ALLC: variants seen among roughly 807,000 people sequenced by gnomAD.
ALLC encodes probable inactive allantoicase.
ALLC carries 40 observed loss-of-function variants against 45.0 expected under a neutral mutation model. That is an observed-to-expected ratio of 0.89 (90% CI 0.69 to 1.16). ALLC has a LOEUF of 1.16. ALLC is among the 50% of genes most tolerant of loss of function. ALLC has a pLI of 0.00. For synonymous variants in ALLC, 176 were observed against 178.1 expected (o/e 0.99, Z 0.09); for missense variants, 488 against 493.1 (o/e 0.99, Z 0.10).
intron 7 of ALLC, among the ~76,000 whole-genome samples, chr2:3,689,809 G>A (rs1020973684): frequency 6.6e-6 from 1 of 150,766 alleles, no homozygotes; most frequent in Non-Finnish European, 1.5e-5. Context: ...AGGTGTTGAA[G>A]TCCCCTACTA....
intron 7 of ALLC, 75 bp from the exon 8 acceptor site, chr2:3,695,642 C>G: frequency 6.4e-7 from 1 of 1,553,400 alleles, no homozygotes; most frequent in South Asian, 1.1e-5. Context: ...CTGGAGAAGA[C>G]AGGAGGGTCC....
intron 1 of ALLC, among the ~76,000 whole-genome samples, chr2:3,665,190 G>A (rs932696601): frequency 1.3e-5 from 2 of 152,084 alleles, no homozygotes; most frequent in African/African-American, 4.8e-5. Flanking sequence ...AGATGGCATC[G>A]CTACACTGAC....
Position 3,673,612 on chromosome 2 carries a change from T to C in ALLC, c.34-463T>C, listed in dbSNP as rs567348786. Among the ~76,000 whole-genome samples the C allele has an allele frequency of 3.9e-5, 6 of 152,338 alleles. No homozygotes were observed. In the South Asian group the frequency reaches 1.2e-3, roughly 32 times the overall value. ...GGATGTACAATTAGTATCATTGACC[T>C]CACTCTCAAAATGATCCTGCTTTGG... On this transcript the variant is annotated intron_variant, in intron 2 of 11. Coordinates refer to ENST00000252505, the MANE Select transcript of ALLC (RefSeq NM_018436.4).
upstream of ALLC, among the ~76,000 whole-genome samples, chr2:3,654,293 A>C (rs1031716757): frequency 6.6e-6 from 1 of 152,210 alleles, no homozygotes; most frequent in African/African-American, 2.4e-5. Context: ...GCGTGAGGAG[A>C]GGCGGTGGAC....
At chr2:3,657,501 G>A (rs1019059050), upstream of ALLC, among the ~76,000 whole-genome samples, 2 of 152,180 alleles carry the variant, frequency 1.3e-5, no homozygotes, top group African/African-American at 4.8e-5. Context: ...GTGACCTCGG[G>A]TGGCTTTCCT....
chr2:3,687,111 T>G (rs897266045), intron 7 of ALLC, among the ~76,000 whole-genome samples: 1 of 151,088 alleles, frequency 6.6e-6, no homozygotes, highest in South Asian at 2.1e-4. Context: ...AGTTTTTTTT[T>G]CTATACCCAA....
At chr2:3,692,227 G>T (rs1158393623) in intron 7 of ALLC, among the ~76,000 whole-genome samples, 1 of 152,090 alleles carries the variant, frequency 6.6e-6, no homozygotes, top group Non-Finnish European at 1.5e-5. Context: ...TTCTTTCTGG[G>T]TTGTTTCAGT....
intron 10 of ALLC, among the ~76,000 whole-genome samples, chr2:3,697,969 T>C (rs569318491): frequency 1.3e-5 from 2 of 150,854 alleles, no homozygotes; most frequent in African/African-American, 4.9e-5. Context: ...CCGACCCTTA[T>C]TTATTTATTT....
At chr2:3,651,301 TG>T in the ALLC span, among the ~76,000 whole-genome samples, 8 of 7,760 alleles carry the variant, frequency 1.0e-3, no homozygotes, top group Non-Finnish European at 1.7e-3. Flanking sequence ...TCTTTTTGGG[TG>T]GGTGGGTGGG....
chr2:3,678,956 A>G (rs1197761150), intron 4 of ALLC, among the ~76,000 whole-genome samples: 1 of 152,178 alleles, frequency 6.6e-6, no homozygotes, highest in Non-Finnish European at 1.5e-5. Context: ...GACTCAGCCC[A>G]GGGCACACTG....
At chr2:3,675,639 G>A (rs1667004550) in intron 3 of ALLC, among the ~76,000 whole-genome samples, 1 of 151,834 alleles carries the variant, frequency 6.6e-6, no homozygotes, top group African/African-American at 2.4e-5. Context: ...CTACATATGT[G>A]TATATATAGT....
At chr2:3,655,963 G>A (rs1572498640), upstream of ALLC, among the ~76,000 whole-genome samples, 1 of 151,950 alleles carries the variant, frequency 6.6e-6, no homozygotes, top group Non-Finnish European at 1.5e-5. Flanking sequence ...TGGGGGATGT[G>A]GGTAGCCTGC....
intron 1 of ALLC, among the ~76,000 whole-genome samples, chr2:3,663,259 A>C (rs1219679724): frequency 6.6e-6 from 1 of 152,236 alleles, no homozygotes; most frequent in Non-Finnish European, 1.5e-5. Context: ...AGATGAGATC[A>C]TGTCCTTTGT....
At chr2:3,646,861 A>G in the ALLC span, among the ~76,000 whole-genome samples, 65 of 152,074 alleles carry the variant, frequency 4.3e-4, no homozygotes, top group Non-Finnish European at 6.0e-4. Context: ...AGTTCCAACA[A>G]TGCCTGGAGT....
In ALLC at chr2:3,671,149, A is replaced by G; in HGVS notation, c.-9A>G. 6.2e-7 allele frequency: 1 copy of G among 1,610,892 alleles called. No individual in the cohort carries two copies. The highest frequency in any genetic ancestry group is 1.3e-5 in the African/African-American group (1 of 75,010). On this transcript the variant is annotated 5_prime_UTR_variant, in exon 2 of 12. Transcript: ENST00000252505. ...AAGACTGACCCGGTTTCTGGACTTCACCCAGCTGATGGACATGGCATCTGA... is the reference window on the plus strand; with the variant it reads ...AAGACTGACCCGGTTTCTGGACTTCGCCCAGCTGATGGACATGGCATCTGA...
upstream of ALLC, among the ~76,000 whole-genome samples, chr2:3,657,204 G>C (rs34629504): frequency 0.16 from 23,925 of 150,928 alleles, 2,061 homozygotes; most frequent in African/African-American, 0.2. Context: ...TCCTAACTAC[G>C]GCTGGGTGGC....
chr2:3,660,713 A>T (rs762650200), intron 1 of ALLC, among the ~76,000 whole-genome samples: 14 of 152,124 alleles, frequency 9.2e-5, no homozygotes, highest in Non-Finnish European at 1.9e-4. Context: ...CACAGGCTAA[A>T]CTAATTCTGA....
chr2:3,654,367 C>A (rs149059768), upstream of ALLC, among the ~76,000 whole-genome samples: 3 of 152,246 alleles, frequency 2.0e-5, no homozygotes, highest in African/African-American at 7.2e-5. Context: ...TTTGATGGCG[C>A]AGCCTCGGAA....
intron 4 of ALLC, among the ~76,000 whole-genome samples, chr2:3,679,480 ACT>A (rs1235899860): frequency 6.6e-6 from 1 of 152,160 alleles, no homozygotes; most frequent in Non-Finnish European, 1.5e-5. Flanking sequence ...TACATCGCAC[ACT>A]CAGTCTAAGC....
Sources: gnomAD v4.1 joint callset for allele counts (sites outside exome capture counted in the v4.1 genomes callset) on GRCh38, gnomAD v4.1.1 for gene constraint, MANE v1.5 for transcripts, NCBI Gene and HGNC (gene_info 2026-07-23, HGNC 2026-07-21) for gene names.